PBX1: variants seen among roughly 807,000 people sequenced by gnomAD.
The protein encoded by PBX1 is PBX homeobox 1, also known as pre-B-cell leukemia transcription factor 1.
PBX1 carries 6 observed loss-of-function variants against 53.4 expected under a neutral mutation model. The ratio of observed to expected loss-of-function variants is 0.11; its 90% CI spans 0.06 to 0.22. PBX1 has a LOEUF of 0.22. PBX1 is among the 10% of genes least tolerant of loss of function. PBX1 has a pLI of 1.00. For synonymous variants in PBX1, 204 were observed against 212.3 expected (o/e 0.96, Z 0.34); for missense variants, 251 against 551.4 (o/e 0.46, Z 5.46).
chr1:164,684,656 A>T (rs759056447), intron 2 of PBX1: 1 of 152,202 alleles, frequency 6.6e-6, no homozygotes, highest in Non-Finnish European at 1.5e-5. Flanking sequence ...CTTCCTGAGG[A>T]TAATAAATAT....
At chr1:164,645,099 T>G (rs1659373338) in intron 2 of PBX1, among the ~76,000 whole-genome samples, 1 of 152,318 alleles carries the variant, frequency 6.6e-6, no homozygotes, top group African/African-American at 2.4e-5. Flanking sequence ...GTGGGAGGAC[T>G]CTATCGATTT....
chr1:164,715,014 A>AT (rs11361136), intron 2 of PBX1, among the ~76,000 whole-genome samples: 150 of 147,878 alleles, frequency 1.0e-3, no homozygotes, highest in Middle Eastern at 3.5e-3. Context: ...TTCCCCATTG[A>AT]TTTTTTTTTT....
At chr1:164,878,387 T>A (rs1271096765) in intron 2 of PBX1, among the ~76,000 whole-genome samples, 1 of 152,246 alleles carries the variant, frequency 6.6e-6, no homozygotes, top group Non-Finnish European at 1.5e-5. Context: ...GTCTCCTAGA[T>A]CCTCAATATC....
At chr1:164,735,414 T>C (rs1177610648) in intron 2 of PBX1, among the ~76,000 whole-genome samples, 1 of 151,956 alleles carries the variant, frequency 6.6e-6, no homozygotes, top group African/African-American at 2.4e-5. Context: ...AATCAGGGAG[T>C]TGTATATAAA....
At chr1:164,650,057 T>A (rs1483885750) in intron 2 of PBX1, among the ~76,000 whole-genome samples, 1 of 152,114 alleles carries the variant, frequency 6.6e-6, no homozygotes, top group African/African-American at 2.4e-5. Flanking sequence ...AACTCTTAAC[T>A]CTGGCCATGT....
chr1:164,739,316 C>T (rs1665470147), intron 2 of PBX1, among the ~76,000 whole-genome samples: 1 of 152,196 alleles, frequency 6.6e-6, no homozygotes, highest in South Asian at 2.1e-4. Context: ...TGCGATAAAG[C>T]TCAAGAAATA....
In PBX1 at chr1:164,808,086, A is replaced by G. The variant is rs1162820416; in HGVS notation, c.837+409A>G. ...GGAACTTTAAGAGTCAGTGAATGGAACTAGTTGTTATATAGCCTTTTAAAT... is the reference window on the plus strand; with the variant it reads ...GGAACTTTAAGAGTCAGTGAATGGAGCTAGTTGTTATATAGCCTTTTAAAT... On this transcript the variant is annotated intron_variant, in intron 5 of 8. Coordinates refer to ENST00000420696, the MANE Select transcript of PBX1 (RefSeq NM_002585.4). Among the ~76,000 whole-genome samples the G allele has an allele frequency of 2.0e-5, 3 of 152,256 alleles. No individual in the cohort carries two copies. The East Asian group carries it at 5.8e-4, about 29-fold the overall frequency.
chr1:164,675,838 G>T (rs2635031), intron 2 of PBX1, among the ~76,000 whole-genome samples: 151,322 of 152,198 alleles, frequency 0.99, 75,226 homozygotes, highest in Middle Eastern at 1. Context: ...AGATTTCTAT[G>T]TTTCATCAGA....
intron 2 of PBX1, among the ~76,000 whole-genome samples, chr1:164,637,879 T>C (rs1658877124): frequency 6.6e-6 from 1 of 152,152 alleles, no homozygotes; most frequent in Non-Finnish European, 1.5e-5. Context: ...TGACTCAAGC[T>C]TCTTACTCAT....
intron 2 of PBX1, among the ~76,000 whole-genome samples, chr1:164,675,969 C>T (rs774327229): frequency 2.0e-5 from 3 of 152,200 alleles, no homozygotes; most frequent in Non-Finnish European, 4.4e-5. Flanking sequence ...GGACCTCTCC[C>T]ATCATGCCTT....
At chr1:164,661,707 G>A (rs542694764) in intron 2 of PBX1, among the ~76,000 whole-genome samples, 21 of 152,234 alleles carry the variant, frequency 1.4e-4, no homozygotes, top group African/African-American at 3.1e-4. Flanking sequence ...GATTACAGGC[G>A]TGAGCCACTG....
At chr1:164,791,161 C>T (rs1668487147) in intron 2 of PBX1, among the ~76,000 whole-genome samples, 1 of 152,154 alleles carries the variant, frequency 6.6e-6, no homozygotes, top group Non-Finnish European at 1.5e-5. Flanking sequence ...TTAACAAAGA[C>T]TTGGCTGCTG....
chr1:164,617,345 A>T (rs1454708071), intron 2 of PBX1, among the ~76,000 whole-genome samples: 1 of 152,228 alleles, frequency 6.6e-6, no homozygotes, highest in African/African-American at 2.4e-5. Flanking sequence ...GATTGTGGAT[A>T]AAATGGCACA....
intron 2 of PBX1, among the ~76,000 whole-genome samples, chr1:164,867,741 G>T (rs1672252647): frequency 6.6e-6 from 1 of 152,218 alleles, no homozygotes; most frequent in African/African-American, 2.4e-5. Flanking sequence ...CTTACCAACT[G>T]CTTCATATCC....
chr1:164,735,791 G>C (rs1221554792), intron 2 of PBX1, among the ~76,000 whole-genome samples: 2 of 152,154 alleles, frequency 1.3e-5, no homozygotes, highest in African/African-American at 4.8e-5. Flanking sequence ...GTCAAGAGAA[G>C]ATGTATATCA....
intron 2 of PBX1, among the ~76,000 whole-genome samples, chr1:164,663,822 A>C (rs951452759): frequency 6.6e-6 from 1 of 152,224 alleles, no homozygotes; most frequent in African/African-American, 2.4e-5. Flanking sequence ...GCCAACTTTC[A>C]TAGTAGAGCT....
intron 2 of PBX1, among the ~76,000 whole-genome samples, chr1:164,710,033 C>G (rs1352256421): frequency 6.6e-6 from 1 of 152,148 alleles, no homozygotes; most frequent in African/African-American, 2.4e-5. Context: ...GTGAGCAGCC[C>G]ACCTGGGTGT....
intron 2 of PBX1, among the ~76,000 whole-genome samples, chr1:164,650,065 T>C (rs1184099253): frequency 6.6e-6 from 1 of 152,140 alleles, no homozygotes; most frequent in Non-Finnish European, 1.5e-5. Flanking sequence ...ACTCTGGCCA[T>C]GTGGATCTGC....
chr1:164,693,166 A>G (rs915024279), intron 2 of PBX1, among the ~76,000 whole-genome samples: 13 of 152,188 alleles, frequency 8.5e-5, no homozygotes, highest in African/African-American at 3.1e-4. Flanking sequence ...ACTACAAGCA[A>G]CAGCAGAGCA....
Sources: allele counts gnomAD v4.1 joint callset (sites outside exome capture counted in the v4.1 genomes callset), GRCh38; gene constraint gnomAD v4.1.1; transcripts MANE v1.5; gene names NCBI Gene and HGNC (gene_info 2026-07-23, HGNC 2026-07-21).